STK3: variants seen among roughly 807,000 people sequenced by gnomAD.
STK3 encodes the protein serine/threonine kinase 3.
Under a neutral mutation model 58.0 loss-of-function variants are expected in STK3, and 41 were observed. That is an observed-to-expected ratio of 0.71 (90% confidence interval 0.55 to 0.92). The LOEUF (loss-of-function observed/expected upper bound fraction) is 0.92. Among genes scored for constraint, STK3 ranks in the 40% least tolerant of loss-of-function variants. STK3 has a pLI of 0.00. For synonymous variants in STK3, 170 were observed against 191.0 expected (o/e 0.89, Z 0.91); for missense variants, 479 against 602.7 (o/e 0.79, Z 2.15).
intron 1 of STK3, among the ~76,000 whole-genome samples, chr8:98,893,714 A>G (rs1283593068): frequency 1.3e-5 from 2 of 151,952 alleles, no homozygotes; most frequent in East Asian, 1.9e-4. Flanking sequence ...TTTCCTCTGC[A>G]TGGGTTGTAC....
chr8:98,367,576 G>A (rs1442698555), downstream of STK3, among the ~76,000 whole-genome samples: 7 of 152,166 alleles, frequency 4.6e-5, no homozygotes, highest in Non-Finnish European at 8.8e-5. Context: ...TGGCCATCAC[G>A]ACCCAGATTT....
intron 2 of STK3, among the ~76,000 whole-genome samples, chr8:98,773,675 C>T (rs1271729608): frequency 6.6e-6 from 1 of 152,064 alleles, no homozygotes; most frequent in Non-Finnish European, 1.5e-5. Context: ...GTAGATTTCG[C>T]ATGTTCATTT....
intron 3 of STK3, among the ~76,000 whole-genome samples, chr8:98,832,424 AC>A (rs1835572057): frequency 6.6e-6 from 1 of 152,218 alleles, no homozygotes; most frequent in Non-Finnish European, 1.5e-5. Flanking sequence ...GAAACCGAAG[AC>A]ACAGAGGCAT....
In STK3 at chr8:98,685,795, G is replaced by T. The variant is rs561594057; in HGVS notation, c.684+20672C>A. ...AGGAAAGGAAACCAAAGGTAGAGAGGGGGGTGAGGGGAGAGTATTCACCTA... is the reference window on the plus strand; with the variant it reads ...AGGAAAGGAAACCAAAGGTAGAGAGTGGGGTGAGGGGAGAGTATTCACCTA... On this transcript the variant is annotated intron_variant, in intron 6 of 10. Transcript: ENST00000419617. Among the ~76,000 whole-genome samples the T allele has an allele frequency of 4.8e-3, 727 of 152,002 alleles. 8 individuals are homozygous for T. Among genetic ancestry groups the T allele is most frequent in the Non-Finnish European group, 6.9e-3 (471 of 67,940 alleles).
chr8:98,527,628 A>AT (rs557105302), intron 9 of STK3, among the ~76,000 whole-genome samples: 1 of 151,932 alleles, frequency 6.6e-6, no homozygotes, highest in Non-Finnish European at 1.5e-5. Context: ...CAAATTAAAA[A>AT]ATATATATAT....
intron 1 of STK3, among the ~76,000 whole-genome samples, chr8:98,938,423 G>A (rs944700901): frequency 6.6e-6 from 1 of 152,208 alleles, no homozygotes; most frequent in Admixed American, 6.5e-5. Context: ...CAGATTTTTA[G>A]TTGGGGGAGA....
intron 6 of STK3, among the ~76,000 whole-genome samples, chr8:98,618,425 A>T (rs923167224): frequency 3.3e-5 from 5 of 152,182 alleles, no homozygotes; most frequent in Non-Finnish European, 5.9e-5. Flanking sequence ...GCCCTCTCTC[A>T]CTGCTGCTAT....
intron 1 of STK3, among the ~76,000 whole-genome samples, chr8:98,382,662 G>T (rs1380843117): frequency 6.6e-6 from 1 of 152,072 alleles, no homozygotes; most frequent in African/African-American, 2.4e-5. Context: ...ATTCTAACCA[G>T]ATTCCCCATC....
intron 1 of STK3, among the ~76,000 whole-genome samples, chr8:98,884,195 A>G (rs1434769363): frequency 6.6e-6 from 1 of 151,972 alleles, no homozygotes; most frequent in Non-Finnish European, 1.5e-5. Context: ...ATTCCTATAT[A>G]TGTGATCTAT....
intron 3 of STK3, among the ~76,000 whole-genome samples, chr8:98,848,538 A>C (rs1836303017): frequency 6.6e-6 from 1 of 152,044 alleles, no homozygotes; most frequent in African/African-American, 2.4e-5. Flanking sequence ...TGTGAGCCAC[A>C]CATCTACTTT....
chr8:98,383,601 A>G (rs1817760831), intron 1 of STK3, among the ~76,000 whole-genome samples: 2 of 152,234 alleles, frequency 1.3e-5, no homozygotes, highest in African/African-American at 4.8e-5. Flanking sequence ...AGTTAAAAGT[A>G]AAAGCAAAGC....
chr8:98,459,535 G>A (rs1487312382), intron 10 of STK3, among the ~76,000 whole-genome samples: 4 of 152,240 alleles, frequency 2.6e-5, no homozygotes, highest in African/African-American at 9.6e-5. Context: ...TAAGTAATAA[G>A]GAGCCGAGAC....
intron 3 of STK3, among the ~76,000 whole-genome samples, chr8:98,424,365 G>T (rs1248851407): frequency 6.6e-6 from 1 of 152,198 alleles, no homozygotes; most frequent in Non-Finnish European, 1.5e-5. Flanking sequence ...CCCTAGTGTA[G>T]CTGGAAGCAT....
intron 4 of STK3, among the ~76,000 whole-genome samples, chr8:98,743,478 A>G (rs1246984636): frequency 6.6e-6 from 1 of 152,196 alleles, no homozygotes; most frequent in East Asian, 1.9e-4. Context: ...AAAACAAGCA[A>G]TGGGGAAAGG....
At chr8:98,807,879 T>C (rs1833984590) in intron 1 of STK3, among the ~76,000 whole-genome samples, 1 of 152,144 alleles carries the variant, frequency 6.6e-6, no homozygotes, top group African/African-American at 2.4e-5. Context: ...AGAGAAAAAG[T>C]TTCTGGTCTT....
intron 10 of STK3, 34 bp downstream of exon 10, chr8:98,526,708 G>C (rs1179817429): frequency 1.4e-6 from 2 of 1,477,368 alleles, no homozygotes; most frequent in Non-Finnish European, 1.8e-6. Flanking sequence ...TATAGAAGGA[G>C]AAAACATAAA....
chr8:98,664,353 T>C (rs1221428635), intron 6 of STK3, among the ~76,000 whole-genome samples: 1 of 152,224 alleles, frequency 6.6e-6, no homozygotes, highest in Non-Finnish European at 1.5e-5. Context: ...GGTCTTCATT[T>C]CTTCATCTGT....
rs1563760602 is a variant in STK3, at chr8:98,579,715, A to G, written c.897T>C (p.Ala299=). Residue 299 remains alanine (A), a synonymous_variant, in exon 8 of 11, where the codon GCT becomes GCC. Transcript: ENST00000419617. ...CTCGTTGCTGTTCCTCATGTCTTTT[A>G]GCTTTGATCTCCATAGCTTCTGTGA... is the stretch of plus-strand genomic sequence containing the variant. ...DLITEAMEIK[A]KRHEEQQREL... 2 of 1,610,554 alleles carry G rather than the reference A, an allele frequency of 1.2e-6. No individual in the cohort carries two copies. Among genetic ancestry groups the G allele is most frequent in the Non-Finnish European group, 1.7e-6 (2 of 1,178,990 alleles).
chr8:98,883,826 T>C lies in STK3; in HGVS notation c.-70A>G, dbSNP rs908474816. 23 of 673,008 alleles carry C rather than the reference T, an allele frequency of 3.4e-5. No homozygotes were observed. In the Admixed American group the frequency reaches 4.7e-4, roughly 14 times the overall value. The allele number at this position is 673,008 out of a possible 1,614,324, so 41.7% of individuals were successfully genotyped here. ...TTTCCAAATTCCTGAAGAAGGGACA[T>C]TGAATGGCCTATTTGGAATAAAAGA... On this transcript the variant is annotated 5_prime_UTR_variant, in exon 2 of 2. Coordinates refer to the STK3 transcript ENST00000519420.
Sources: allele counts gnomAD v4.1 joint callset (sites outside exome capture counted in the v4.1 genomes callset), GRCh38; gene constraint gnomAD v4.1.1; transcripts MANE v1.5; gene names NCBI Gene and HGNC (gene_info 2026-07-23, HGNC 2026-07-21).